The following MCCC2 variants were observed in gnomAD, a reference collection of about 807,000 sequenced individuals.
MCCC2 encodes the protein methylcrotonyl-CoA carboxylase subunit 2.
A neutral mutation model predicts 77.2 loss-of-function variants in MCCC2; 52 were observed. That is an observed-to-expected ratio of 0.67 (90% CI 0.54 to 0.85). The LOEUF is 0.85. Among genes scored for constraint, MCCC2 ranks in the 40% least tolerant of loss-of-function variants. The pLI is 0.00. For missense variants in MCCC2, 682 were observed against 703.2 expected, an observed-to-expected ratio of 0.97 and a Z score of 0.34; for synonymous variants, 253 against 248.4, an observed-to-expected ratio of 1.02 and a Z score of -0.18.
rs10041947 is a variant in MCCC2, at chr5:71,636,434, G to A, written c.999+1188G>A. On this transcript the variant is annotated intron_variant, in intron 10 of 16. Transcript: ENST00000340941. ...ACTTGAAAAATGTGTTGGGCCAGGCGCAGTGGTTCATGCCTGTAATCCCAG... is the reference window on the plus strand; with the variant it reads ...ACTTGAAAAATGTGTTGGGCCAGGCACAGTGGTTCATGCCTGTAATCCCAG... 447 of 162,792 alleles carry A rather than the reference G, an allele frequency of 2.7e-3. 2 individuals are homozygous for A. The highest frequency in any genetic ancestry group is 3.9e-3 in the Non-Finnish European group (289 of 74,574). The allele number at this position is 162,792 out of a possible 1,614,324, so 10.1% of individuals were successfully genotyped here.
chr5:71,641,689 A>G (rs886813793), intron 11 of MCCC2, among the ~76,000 whole-genome samples: 2 of 152,256 alleles, frequency 1.3e-5, no homozygotes, highest in Non-Finnish European at 2.9e-5. Context: ...CTAGACCCAT[A>G]ATAATCTATT....
At chr5:71,595,385 C>T (rs1470839584) in intron 2 of MCCC2, among the ~76,000 whole-genome samples, 2 of 147,452 alleles carry the variant, frequency 1.4e-5, no homozygotes, top group African/African-American at 5.1e-5. Flanking sequence ...GCCATGCTGG[C>T]ACCACTGCAC....
intron 6 of MCCC2, among the ~76,000 whole-genome samples, chr5:71,620,051 A>T (rs1746305867): frequency 6.6e-6 from 1 of 152,138 alleles, no homozygotes; most frequent in Admixed American, 6.5e-5. Context: ...GAGAAACAAA[A>T]TCACTGTTTG....
chr5:71,643,781 A>G lies in MCCC2; in HGVS notation c.1073-38A>G, dbSNP rs778263103. On this transcript the variant is annotated intron_variant, in intron 11 of 16. Coordinates refer to ENST00000340941, the MANE Select transcript of MCCC2 (RefSeq NM_022132.5). ...TCTTGTGAATTGAAGCCCTTGGAAA[A>G]GCACAAGACATAAATCTTCTTTGAA... 5.6e-6 allele frequency: 9 copies of G among 1,613,884 alleles called. No homozygotes were observed. The African/African-American group carries it at 1.2e-4, about 22-fold the overall frequency.
intron 8 of MCCC2, among the ~76,000 whole-genome samples, chr5:71,632,728 G>T (rs539497457): frequency 4.4e-4 from 67 of 152,220 alleles, no homozygotes; most frequent in Non-Finnish European, 7.6e-4. Flanking sequence ...TCCCACCATG[G>T]CTGATTTCAG....
rs1747621561 is a variant in MCCC2 at position 71,657,669 on chromosome 5, C to T, written c.*809C>T. 6.6e-6 allele frequency: 1 copy of T among 152,260 alleles called. No homozygotes were observed. Among genetic ancestry groups the T allele is most frequent in the Non-Finnish European group, 1.5e-5 (1 of 68,152 alleles). The allele number at this position is 152,260 out of a possible 1,614,324, so 9.4% of individuals were successfully genotyped here. ...CTCAAACTACTGACCTCAAGTGATC[C>T]ACCCGCCTCGGCCTCCCAAAGTGCT... On this transcript the variant is annotated 3_prime_UTR_variant, in exon 17 of 17. Transcript: ENST00000340941.
intron 14 of MCCC2, among the ~76,000 whole-genome samples, chr5:71,649,670 A>G (rs750071826): frequency 6.6e-6 from 1 of 152,278 alleles, no homozygotes; most frequent in Non-Finnish European, 1.5e-5. Flanking sequence ...AAGAGCAGAC[A>G]TCAGATAGAA....
In MCCC2 at chr5:71,655,550, A is replaced by G. The variant is rs111351657; in HGVS notation, c.1575-1193A>G. On this transcript the variant is annotated intron_variant, in intron 16 of 16. Coordinates refer to ENST00000340941, the MANE Select transcript of MCCC2 (RefSeq NM_022132.5). ...GCAGGCTTCAGAGGGAGTGTAATCA[A>G]TTCACCTGGTTGCAGATGACAAGAG... Among the ~76,000 whole-genome samples, 1,398 of 152,282 alleles carry G rather than the reference A, an allele frequency of 9.2e-3. 12 individuals carry two copies. Among genetic ancestry groups the G allele is most frequent in the Non-Finnish European group, 0.015 (1,036 of 68,024 alleles).
chr5:71,624,400 C>T (rs113540053), intron 6 of MCCC2, among the ~76,000 whole-genome samples: 5,304 of 151,814 alleles, frequency 0.035, 308 homozygotes, highest in African/African-American at 0.12. Context: ...TTTTTTGAGA[C>T]GGAGTTTTGC....
chr5:71,631,466 A>G (rs1260564339), intron 7 of MCCC2, among the ~76,000 whole-genome samples: 3 of 152,020 alleles, frequency 2.0e-5, no homozygotes, highest in Non-Finnish European at 2.9e-5. Context: ...ACACACACAG[A>G]CACAAAGTCT....
At chr5:71,616,087 C>G (rs1001863920) in intron 6 of MCCC2, among the ~76,000 whole-genome samples, 1 of 152,200 alleles carries the variant, frequency 6.6e-6, no homozygotes, top group Non-Finnish European at 1.5e-5. Context: ...CAAACTCATC[C>G]AAGTGCTAGG....
At chr5:71,637,700 G>A (rs1746977155) in intron 10 of MCCC2, among the ~76,000 whole-genome samples, 1 of 152,110 alleles carries the variant, frequency 6.6e-6, no homozygotes, top group Admixed American at 6.5e-5. Flanking sequence ...AATACTGTTT[G>A]CTAGCATTTG....
chr5:71,619,248 CTTTTTCTT>C (rs1171995660), intron 6 of MCCC2, among the ~76,000 whole-genome samples: 1 of 151,726 alleles, frequency 6.6e-6, no homozygotes, highest in Admixed American at 6.6e-5. Flanking sequence ...GTACTGCATC[CTTTTTCTT>C]TTTTTCTTTT....
chr5:71,587,613 A>T, intron 1 of MCCC2, 59 bp downstream of exon 1: 4 of 1,523,112 alleles, frequency 2.6e-6, no homozygotes, highest in Non-Finnish European at 3.5e-6. Flanking sequence ...CAAGTGGAGG[A>T]GGGGCACGCT....
intron 5 of MCCC2, 175 bp downstream of exon 5, chr5:71,602,808 A>G: frequency 1.1e-6 from 1 of 911,916 alleles, no homozygotes; most frequent in South Asian, 1.6e-5. Flanking sequence ...GTAAACAAGA[A>G]CTGTTCATAG....
At chr5:71,612,358 G>T (rs886183305) in intron 6 of MCCC2, among the ~76,000 whole-genome samples, 4 of 152,108 alleles carry the variant, frequency 2.6e-5, no homozygotes, top group African/African-American at 9.7e-5. Context: ...TATCAACATA[G>T]TTGGTTGTAA....
intron 6 of MCCC2, among the ~76,000 whole-genome samples, chr5:71,608,657 G>A (rs1326235089): frequency 6.6e-6 from 1 of 152,178 alleles, no homozygotes; most frequent in Non-Finnish European, 1.5e-5. Context: ...AGTTGATGCA[G>A]TTTCTTCCTA....
At chr5:71,655,899 G>A (rs1310055278) in intron 16 of MCCC2, among the ~76,000 whole-genome samples, 1 of 152,150 alleles carries the variant, frequency 6.6e-6, no homozygotes. Flanking sequence ...TACATTTGAA[G>A]GTATCTATTT....
chr5:71,620,257 T>A (rs1416355646), intron 6 of MCCC2, among the ~76,000 whole-genome samples: 13 of 152,172 alleles, frequency 8.5e-5, no homozygotes, highest in Non-Finnish European at 1.5e-4. Context: ...TGAATTGAGA[T>A]GTATATTTTG....
Sources: allele counts gnomAD v4.1 joint callset (sites outside exome capture counted in the v4.1 genomes callset), GRCh38; gene constraint gnomAD v4.1.1; transcripts MANE v1.5; gene names NCBI Gene and HGNC (gene_info 2026-07-23, HGNC 2026-07-21).